Variants in POC1B observed in about 807,000 individuals in gnomAD.
POC1B encodes POC1 centriolar protein homolog B.
Under a neutral mutation model 60.6 loss-of-function variants are expected in POC1B, and 44 were observed. The observed-to-expected ratio is 0.73, with a 90% confidence interval of 0.57 to 0.93. The LOEUF is 0.93. Ranked by LOEUF, POC1B falls within the 40% of genes least tolerant of loss-of-function variation. POC1B has a pLI of 0.00. For synonymous variants in POC1B, 180 were observed against 198.9 expected, an observed-to-expected ratio of 0.90 and a Z score of 0.80; for missense variants, 555 against 572.3, an observed-to-expected ratio of 0.97 and a Z score of 0.31.
intron 10 of POC1B, among the ~76,000 whole-genome samples, chr12:89,441,049 C>T (rs1881491154): frequency 3.9e-5 from 6 of 152,220 alleles, no homozygotes; most frequent in Admixed American, 3.9e-4. Flanking sequence ...AACTGCAAGG[C>T]AGCAGCAAGG....
intron 2 of POC1B, among the ~76,000 whole-genome samples, chr12:89,516,301 C>T (rs1206342966): frequency 1.3e-5 from 2 of 152,188 alleles, no homozygotes; most frequent in Non-Finnish European, 2.9e-5. Context: ...AATATTCAGA[C>T]ATGGGGTATT....
intron 2 of POC1B, chr12:89,523,476 G>C: frequency 6.2e-7 from 1 of 1,613,278 alleles, no homozygotes; most frequent in Non-Finnish European, 8.5e-7. Flanking sequence ...GGCCCACGTG[G>C]GAACACGGGT....
intron 2 of POC1B, among the ~76,000 whole-genome samples, chr12:89,510,753 T>C (rs73194568): frequency 0.091 from 10,620 of 116,808 alleles, 449 homozygotes; most frequent in Non-Finnish European, 0.12. Context: ...GGAAGAAATA[T>C]GTTTTTATTC....
chr12:89,423,212 T>G (rs1394574871), intron 11 of POC1B, among the ~76,000 whole-genome samples: 1 of 152,108 alleles, frequency 6.6e-6, no homozygotes, highest in Non-Finnish European at 1.5e-5. Context: ...AGAAATGAGG[T>G]CTTAGCATTT....
At chr12:89,452,451 C>A (rs1882086749) in intron 10 of POC1B, among the ~76,000 whole-genome samples, 1 of 151,420 alleles carries the variant, frequency 6.6e-6, no homozygotes, top group Non-Finnish European at 1.5e-5. Flanking sequence ...GAGTTCAAGT[C>A]CCAAATCACG....
At chr12:89,469,865 CT>C (rs1882820489) in intron 7 of POC1B, among the ~76,000 whole-genome samples, 1 of 120,798 alleles carries the variant, frequency 8.3e-6, no homozygotes, top group African/African-American at 3.1e-5. Flanking sequence ...AATAATATTT[CT>C]TTTTTTCTTC....
chr12:89,421,338 CT>C, intron 11 of POC1B, 81 bp from the exon 12 acceptor site: 2 of 1,162,876 alleles, frequency 1.7e-6, no homozygotes, highest in Non-Finnish European at 2.4e-6. Context: ...ATAGGAAATC[CT>C]TTTAAGAACT....
intron 4 of POC1B, among the ~76,000 whole-genome samples, chr12:89,480,147 T>C (rs1235916265): frequency 6.6e-6 from 1 of 151,976 alleles, no homozygotes; most frequent in Non-Finnish European, 1.5e-5. Flanking sequence ...CTTTCGTTTT[T>C]TTTTTTTGAG....
chr12:89,480,595 A>ATTTTTTTTTTT, intron 4 of POC1B, among the ~76,000 whole-genome samples: 1 of 69,908 alleles, frequency 1.4e-5, no homozygotes, highest in Non-Finnish European at 2.6e-5. Context: ...TAATTTTTGT[A>ATTTTTTTTTTT]TTTTTTTTTT....
intron 10 of POC1B, among the ~76,000 whole-genome samples, chr12:89,452,599 G>A (rs1212036700): frequency 6.6e-6 from 1 of 151,810 alleles, no homozygotes. Context: ...GAAACTTAAA[G>A]AGAAAGAAGG....
intron 9 of POC1B, among the ~76,000 whole-genome samples, chr12:89,465,958 G>A (rs1882668302): frequency 6.6e-6 from 1 of 152,216 alleles, no homozygotes; most frequent in South Asian, 2.1e-4. Flanking sequence ...AAGTGATGTG[G>A]CTGAGGGTAC....
At chr12:89,414,288 A>T in the POC1B span, among the ~76,000 whole-genome samples, 10 of 152,162 alleles carry the variant, frequency 6.6e-5, no homozygotes, top group Admixed American at 2.0e-4. Flanking sequence ...CTATTTTATA[A>T]TGAGAAGAAT....
chr12:89,429,582 C>T (rs1880938590), intron 10 of POC1B: 1 of 152,220 alleles, frequency 6.6e-6, no homozygotes, highest in East Asian at 1.9e-4. Flanking sequence ...TAAATACTTA[C>T]TGAGCATCTA....
At chr12:89,421,705 C>G (rs1171415783) in intron 11 of POC1B, among the ~76,000 whole-genome samples, 1 of 152,166 alleles carries the variant, frequency 6.6e-6, no homozygotes, top group Non-Finnish European at 1.5e-5. Context: ...CAAACCGTAC[C>G]TATAGCACTG....
chr12:89,494,796 C>T (rs974367242), intron 3 of POC1B, among the ~76,000 whole-genome samples: 10 of 152,296 alleles, frequency 6.6e-5, no homozygotes, highest in Middle Eastern at 3.4e-3. Flanking sequence ...AGAACCAAGA[C>T]GCCATTGCCA....
intron 10 of POC1B, among the ~76,000 whole-genome samples, chr12:89,457,452 G>C (rs866733666): frequency 1.3e-5 from 2 of 152,166 alleles, no homozygotes; most frequent in Admixed American, 6.5e-5. Flanking sequence ...ACTACTTTAT[G>C]AGAATCTATG....
intron 2 of POC1B, chr12:89,524,867 T>C: frequency 1.6e-6 from 1 of 618,538 alleles, no homozygotes; most frequent in Non-Finnish European, 2.8e-6. Flanking sequence ...CTCCTGGTGG[T>C]TAGTTTGCGA....
At chr12:89,494,862 T>C (rs571609355) in intron 3 of POC1B, among the ~76,000 whole-genome samples, 9 of 152,200 alleles carry the variant, frequency 5.9e-5, no homozygotes, top group Non-Finnish European at 1.2e-4. Context: ...ATCTTTCCTC[T>C]GCATGTGTAA....
chr12:89,419,633 G>C (rs78902910), downstream of POC1B: 1 of 152,080 alleles, frequency 6.6e-6, no homozygotes, highest in Non-Finnish European at 1.5e-5. Flanking sequence ...CAGAAGATTC[G>C]CACACACATT....
Sources: allele counts gnomAD v4.1 joint callset (sites outside exome capture counted in the v4.1 genomes callset), GRCh38; gene constraint gnomAD v4.1.1; transcripts MANE v1.5; gene names NCBI Gene and HGNC (gene_info 2026-07-23, HGNC 2026-07-21).